The following PAK3 variants were observed in gnomAD, a reference collection of about 807,000 sequenced individuals.
PAK3 encodes p21 (RAC1) activated kinase 3.
In PAK3, 4 loss-of-function variants were observed where a neutral mutation model predicts 41.0. That is an observed-to-expected ratio of 0.10 (90% CI 0.05 to 0.22). PAK3 has a LOEUF of 0.22. Among genes scored for constraint, PAK3 ranks in the 10% least tolerant of loss-of-function variants. PAK3 has a pLI of 1.00. For missense variants in PAK3, 205 were observed against 409.9 expected (o/e 0.50, Z 4.32); for synonymous variants, 146 against 139.6 (o/e 1.05, Z -0.32).
intron 5 of PAK3, among the ~76,000 whole-genome samples, chrX:111,139,841 A>C (rs188543044): frequency 8.9e-6 from 1 of 111,997 alleles, no homozygotes; most frequent in Non-Finnish European, 1.9e-5. Flanking sequence ...GGAGGTACAG[A>C]TTAAGGTAGG....
chrX:111,092,199 G>C (rs1015196931), upstream of PAK3, among the ~76,000 whole-genome samples: 12 of 111,888 alleles, frequency 1.1e-4, no homozygotes, highest in Admixed American at 5.7e-4. Flanking sequence ...AAATAAGACT[G>C]TATTTCCTAT....
chrX:111,053,031 A>G (rs1438232582), intron 1 of PAK3, among the ~76,000 whole-genome samples: 1 of 112,316 alleles, frequency 8.9e-6, no homozygotes, highest in Admixed American at 9.4e-5. Context: ...CATAAGCACA[A>G]TTTTATTAGA....
At chrX:111,164,624 A>G (rs1458194781) in intron 10 of PAK3, among the ~76,000 whole-genome samples, 2 of 111,063 alleles carry the variant, frequency 1.8e-5, no homozygotes, top group Non-Finnish European at 3.8e-5. Flanking sequence ...TTTTTTCCCT[A>G]TATGTCCAAC....
chrX:111,125,515 C>A (rs1405593717), intron 5 of PAK3, among the ~76,000 whole-genome samples: 2 of 111,228 alleles, frequency 1.8e-5, no homozygotes, highest in African/African-American at 6.5e-5. Context: ...GAAACAGGAG[C>A]AAAATTTTTA....
Position 111,223,509 on chromosome X carries a change from TAAG to T in PAK3, c.*3067_*3069del, listed in dbSNP as rs1460789488. On this transcript the variant is annotated 3_prime_UTR_variant, in exon 18 of 18. Transcript: ENST00000372007. ...TTGGCTACTGGATGGCCAAGCCATG[TAAG>T]AAGATTTAACTCAAGTATTTATTCT... is the stretch of plus-strand genomic sequence containing the variant. The T allele has an allele frequency of 9.2e-6, 1 of 108,526 alleles. No homozygotes were observed. Among genetic ancestry groups the T allele is most frequent in the African/African-American group, 3.4e-5 (1 of 29,743 alleles). 8.9% of individuals were successfully genotyped at this position (108,526 alleles called of 1,213,427 possible). A position where few individuals can be genotyped will look rare whatever the true frequency, so the allele number is the denominator to read the frequency against.
chrX:111,020,283 T>C lies in PAK3; in HGVS notation c.-28+75655T>C, dbSNP rs773822265. Among the ~76,000 whole-genome samples the C allele has an allele frequency of 1.1e-4, 12 of 112,136 alleles. No individual in the cohort carries two copies. In the South Asian group the frequency reaches 4.5e-3, roughly 42 times the overall value. On this transcript the variant is annotated intron_variant, in intron 1 of 14. Transcript: ENST00000425146. ...AACTTTGAAGACATTATGCTACGTG[T>C]AATAAGCCAGACACCAAAGGACAAA...
At chrX:111,145,046 T>G (rs1355289716) in intron 6 of PAK3, 1 of 401,065 alleles carries the variant, frequency 2.5e-6, no homozygotes, top group Non-Finnish European at 4.5e-6. Context: ...GTTGGTATCC[T>G]ATACACAGTC....
At chrX:111,150,770 A>G (rs1367139406) in intron 7 of PAK3, among the ~76,000 whole-genome samples, 2 of 112,023 alleles carry the variant, frequency 1.8e-5, no homozygotes, top group Non-Finnish European at 3.8e-5. Context: ...TGCAACTGAA[A>G]TATATATACC....
At chrX:111,059,334 AT>A (rs1337224257) in intron 1 of PAK3, among the ~76,000 whole-genome samples, 1 of 109,804 alleles carries the variant, frequency 9.1e-6, no homozygotes, top group Non-Finnish European at 1.9e-5. Flanking sequence ...AATTATTATT[AT>A]TTTTTTGTAA....
At chrX:111,163,970 C>T (rs1287110874) in intron 10 of PAK3, among the ~76,000 whole-genome samples, 7 of 111,515 alleles carry the variant, frequency 6.3e-5, no homozygotes, top group African/African-American at 2.3e-4. Flanking sequence ...ATTGATAAGA[C>T]AAATTAAGTA....
At chrX:111,143,248 T>C (rs946044329) in intron 6 of PAK3, among the ~76,000 whole-genome samples, 6 of 111,393 alleles carry the variant, frequency 5.4e-5, no homozygotes, top group East Asian at 2.8e-4. Flanking sequence ...GTGAATAGAC[T>C]GTGTTATATG....
At chrX:110,964,339 G>A (rs2091039774) in intron 1 of PAK3, among the ~76,000 whole-genome samples, 1 of 112,241 alleles carries the variant, frequency 8.9e-6, no homozygotes, top group Admixed American at 9.4e-5. Flanking sequence ...ATTCGTGTAT[G>A]AATCACCAGG....
intron 1 of PAK3, among the ~76,000 whole-genome samples, chrX:111,059,965 ATGTTTAATAAGAG>A: frequency 9.0e-6 from 1 of 111,462 alleles, no homozygotes; most frequent in East Asian, 2.8e-4. Flanking sequence ...CCTCAGTACA[ATGTTTAATAAGAG>A]TGGTGAGAGT....
chrX:111,104,006 A>G (rs1029333240), intron 4 of PAK3, among the ~76,000 whole-genome samples: 3 of 112,245 alleles, frequency 2.7e-5, no homozygotes, highest in South Asian at 7.5e-4. Context: ...GGCAGGGACT[A>G]GATCTTACAG....
intron 1 of PAK3, among the ~76,000 whole-genome samples, chrX:111,051,985 T>C (rs756068948): frequency 2.7e-5 from 3 of 112,078 alleles, no homozygotes; most frequent in African/African-American, 9.7e-5. Context: ...CATTGTAAAG[T>C]AGGAAACCGG....
chrX:110,949,263 C>T (rs772780834), intron 1 of PAK3, among the ~76,000 whole-genome samples: 1 of 111,227 alleles, frequency 9.0e-6, no homozygotes, highest in Admixed American at 9.5e-5. Flanking sequence ...CCTAAAAGAC[C>T]ATGCTTCTCT....
intron 11 of PAK3, among the ~76,000 whole-genome samples, chrX:111,175,179 G>A: frequency 9.0e-6 from 1 of 111,141 alleles, no homozygotes; most frequent in Admixed American, 9.6e-5. Flanking sequence ...GGAAGGGAAG[G>A]GATATTCAAT....
chrX:111,185,041 C>A (rs767419309), intron 11 of PAK3, among the ~76,000 whole-genome samples: 1 of 111,889 alleles, frequency 8.9e-6, no homozygotes, highest in South Asian at 3.8e-4. Flanking sequence ...TCCTATTTCT[C>A]CACATCCCCT....
intron 1 of PAK3, among the ~76,000 whole-genome samples, chrX:111,075,163 T>C (rs1177212228): frequency 8.9e-6 from 1 of 112,694 alleles, no homozygotes; most frequent in African/African-American, 3.2e-5. Flanking sequence ...AGGAGTGGAA[T>C]TCAAACAGGC....
Sources: gnomAD v4.1 joint callset for allele counts (sites outside exome capture counted in the v4.1 genomes callset) on GRCh38, gnomAD v4.1.1 for gene constraint, MANE v1.5 for transcripts, NCBI Gene and HGNC (gene_info 2026-07-23, HGNC 2026-07-21) for gene names.